The following HNMT variants were observed in gnomAD, a reference collection of about 807,000 sequenced individuals.
The protein encoded by HNMT is histamine N-methyltransferase.
Under a neutral mutation model 32.1 loss-of-function variants are expected in HNMT, and 30 were observed. That is an observed-to-expected ratio of 0.93 (90% CI 0.70 to 1.27). HNMT has a LOEUF of 1.27. HNMT is among the 50% of genes most tolerant of loss of function. The pLI is 0.00. For missense variants in HNMT, 327 were observed against 346.0 expected, an observed-to-expected ratio of 0.95 and a Z score of 0.43; for synonymous variants, 125 against 119.0, an observed-to-expected ratio of 1.05 and a Z score of -0.33.
At chr2:137,970,372 C>A (rs1680084657) in intron 2 of HNMT, among the ~76,000 whole-genome samples, 155 bp downstream of exon 2, 1 of 151,818 alleles carries the variant, frequency 6.6e-6, no homozygotes, top group African/African-American at 2.4e-5. Context: ...AACATTAATG[C>A]CCCCATAGAT....
chr2:138,003,995 C>T (rs4954936), intron 4 of HNMT, among the ~76,000 whole-genome samples: 40,136 of 151,892 alleles, frequency 0.26, 5,749 homozygotes, highest in African/African-American at 0.35. Flanking sequence ...TCCTCTCTCT[C>T]CATCTCTGTC....
At chr2:137,986,695 C>A (rs1472596335) in intron 2 of HNMT, among the ~76,000 whole-genome samples, 3 of 151,572 alleles carry the variant, frequency 2.0e-5, no homozygotes, top group African/African-American at 7.3e-5. Flanking sequence ...ATAAACACTT[C>A]GAAAATAATT....
At chr2:137,969,424 T>C (rs1680057093) in intron 1 of HNMT, among the ~76,000 whole-genome samples, 1 of 152,038 alleles carries the variant, frequency 6.6e-6, no homozygotes, top group East Asian at 1.9e-4. Flanking sequence ...TTCGTATTTA[T>C]TTTTTTTAAA....
chr2:137,972,419 G>T (rs3113204), intron 2 of HNMT, among the ~76,000 whole-genome samples: 146,219 of 152,262 alleles, frequency 0.96, 70,463 homozygotes, highest in East Asian at 1. Context: ...ATCACTAATT[G>T]TTAATGTCAT....
At chr2:137,979,415 C>A (rs999471594) in intron 2 of HNMT, among the ~76,000 whole-genome samples, 1 of 151,934 alleles carries the variant, frequency 6.6e-6, no homozygotes, top group South Asian at 2.1e-4. Flanking sequence ...GGACTACAGG[C>A]GCCCATCACC....
intron 2 of HNMT, among the ~76,000 whole-genome samples, chr2:137,984,824 T>A (rs141715290): frequency 6.6e-6 from 1 of 151,848 alleles, no homozygotes; most frequent in African/African-American, 2.4e-5. Context: ...ATGTAAGGAG[T>A]GACTGTGAGT....
At chr2:138,001,383 C>T (rs1156956247) in intron 3 of HNMT, among the ~76,000 whole-genome samples, 1 of 152,060 alleles carries the variant, frequency 6.6e-6, no homozygotes, top group Non-Finnish European at 1.5e-5. Flanking sequence ...CTGGCAAAGG[C>T]CAAATAGTAA....
At chr2:137,987,982 C>T (rs1321843664) in intron 2 of HNMT, among the ~76,000 whole-genome samples, 2 of 151,980 alleles carry the variant, frequency 1.3e-5, no homozygotes, top group African/African-American at 4.8e-5. Flanking sequence ...TAGGAGTTAG[C>T]CAGCTGAAGT....
At chr2:137,980,094 G>A (rs1680442875) in intron 2 of HNMT, among the ~76,000 whole-genome samples, 1 of 150,700 alleles carries the variant, frequency 6.6e-6, no homozygotes, top group East Asian at 2.0e-4. Flanking sequence ...GGAGTGCAGT[G>A]GCACGATCTC....
At chr2:137,995,366 C>T (rs911907180) in intron 2 of HNMT, among the ~76,000 whole-genome samples, 1 of 152,060 alleles carries the variant, frequency 6.6e-6, no homozygotes, top group African/African-American at 2.4e-5. Flanking sequence ...TACAAACTAC[C>T]ATCAGAGAAT....
intron 4 of HNMT, among the ~76,000 whole-genome samples, chr2:138,003,653 A>G (rs1455166): frequency 0.019 from 2,931 of 151,384 alleles, 96 homozygotes; most frequent in African/African-American, 0.067. Flanking sequence ...TCTCCTTACC[A>G]CTCCTGCAAT....
At chr2:138,011,189 C>CT (rs1021805399) in intron 5 of HNMT, among the ~76,000 whole-genome samples, 4 of 151,820 alleles carry the variant, frequency 2.6e-5, no homozygotes, top group African/African-American at 9.7e-5. Flanking sequence ...GTGTTTGGTT[C>CT]TTTTTTCTCT....
chr2:138,005,343 C>T (rs1466707618), intron 5 of HNMT, 118 bp downstream of exon 5: 2 of 670,698 alleles, frequency 3.0e-6, no homozygotes, highest in Admixed American at 2.4e-5. Context: ...TTGCCTTGGC[C>T]TCTAATCATA....
rs1681191859 is a variant in HNMT at position 138,002,099 on chromosome 2, A to G, written c.334A>G (p.Lys112Glu). 6.3e-7 allele frequency: 1 copy of G among 1,599,208 alleles called. No individual in the cohort carries two copies. The highest frequency in any genetic ancestry group is 2.3e-5 in the East Asian group (1 of 44,394). Residue 112 changes from lysine to glutamate, a missense_variant, in exon 4 of 6, where the codon AAG becomes GAG. Lys to Glu is a moderately conservative substitution (Grantham distance 56). Coordinates refer to ENST00000280097, the MANE Select transcript of HNMT (RefSeq NM_006895.3). ...VAKTSNLENVKFAWHKETSSE... is the reference protein window; with the variant it reads ...VAKTSNLENVEFAWHKETSSE... Reference sequence around the variant, plus strand: ...CAAGACATCGAACCTCGAGAACGTAAAGTTTGCTTGGCATAAGGAGACATC... The same window carrying G: ...CAAGACATCGAACCTCGAGAACGTAGAGTTTGCTTGGCATAAGGAGACATC...
At chr2:137,988,835 A>G (rs1183324364) in intron 2 of HNMT, 1 of 152,216 alleles carries the variant, frequency 6.6e-6, no homozygotes, top group African/African-American at 2.4e-5. Flanking sequence ...AGATTGCACC[A>G]CTGCACTCCA....
rs560770484 is a variant in HNMT at position 137,981,503 on chromosome 2, C to G, written c.190+11286C>G. 6.4e-6 allele frequency: 5 copies of G among 785,714 alleles called. No individual in the cohort carries two copies. In the East Asian group the frequency reaches 1.2e-4, roughly 19 times the overall value. 48.7% of individuals were successfully genotyped at this position (785,714 alleles called of 1,614,324 possible). On this transcript the variant is annotated intron_variant, in intron 2 of 5. Coordinates refer to ENST00000280097, the MANE Select transcript of HNMT (RefSeq NM_006895.3). ...CCTTTCTTTGTTGCTTTGGTTTTCT[C>G]CGTGGGACTTCCCACCATCCGTAAA...
intron 2 of HNMT, among the ~76,000 whole-genome samples, chr2:137,995,019 G>C (rs931991856): frequency 1.3e-5 from 2 of 152,144 alleles, no homozygotes; most frequent in Non-Finnish European, 1.5e-5. Flanking sequence ...CTAAAGCAGT[G>C]TTAAGAGGGA....
At chr2:137,978,472 T>C (rs2104938489) in intron 2 of HNMT, among the ~76,000 whole-genome samples, 1 of 143,434 alleles carries the variant, frequency 7.0e-6, no homozygotes, top group Non-Finnish European at 1.5e-5. Flanking sequence ...ATACAATACA[T>C]ATGATTAGAT....
At chr2:137,987,912 TG>T (rs1262426949) in intron 2 of HNMT, among the ~76,000 whole-genome samples, 3 of 152,198 alleles carry the variant, frequency 2.0e-5, no homozygotes, top group Admixed American at 1.3e-4. Flanking sequence ...ATGCTGCTTC[TG>T]GGCTCTGTGG....
Sources: allele counts gnomAD v4.1 joint callset (sites outside exome capture counted in the v4.1 genomes callset), GRCh38; gene constraint gnomAD v4.1.1; transcripts MANE v1.5; gene names NCBI Gene and HGNC (gene_info 2026-07-23, HGNC 2026-07-21).